The following DIRAS2 variants were observed in gnomAD, a reference collection of about 807,000 sequenced individuals.
The protein encoded by DIRAS2 is DIRAS family GTPase 2, also known as GTP-binding protein Di-Ras2.
DIRAS2 carries 5 observed loss-of-function variants against 13.9 expected under a neutral mutation model. The observed-to-expected ratio is 0.36, with a 90% CI of 0.19 to 0.76. The LOEUF (loss-of-function observed/expected upper bound fraction) is 0.76, where lower values mean the gene tolerates loss of function less well. Among genes scored for constraint, DIRAS2 ranks in the 30% least tolerant of loss-of-function variants. DIRAS2 has a pLI of 0.53. For missense variants in DIRAS2, 191 were observed against 263.0 expected, an observed-to-expected ratio of 0.73 and a Z score of 1.89; for synonymous variants, 111 against 105.4, an observed-to-expected ratio of 1.05 and a Z score of -0.33.
At chr9:90,631,134 GA>G (rs1020300756) in intron 1 of DIRAS2, among the ~76,000 whole-genome samples, 1 of 152,186 alleles carries the variant, frequency 6.6e-6, no homozygotes, top group African/African-American at 2.4e-5. Flanking sequence ...AGGACTCCCT[GA>G]AAAGTTGATA....
intron 1 of DIRAS2, among the ~76,000 whole-genome samples, chr9:90,616,980 C>G (rs1227068161): frequency 6.6e-6 from 1 of 152,098 alleles, no homozygotes; most frequent in African/African-American, 2.4e-5. Flanking sequence ...TCTAGCTCTG[C>G]CTGGAGCCCT....
chr9:90,641,730 A>G (rs758547109), intron 1 of DIRAS2, among the ~76,000 whole-genome samples: 3 of 152,190 alleles, frequency 2.0e-5, no homozygotes, highest in Non-Finnish European at 4.4e-5. Context: ...TGAAATGTAA[A>G]ATGCTCCAGA....
chr9:90,617,401 A>T (rs1825179842), intron 1 of DIRAS2, among the ~76,000 whole-genome samples: 1 of 152,210 alleles, frequency 6.6e-6, no homozygotes, highest in African/African-American at 2.4e-5. Context: ...AATAAACAAA[A>T]ATTCTCCAGG....
chr9:90,638,757 A>T (rs1420582399), intron 1 of DIRAS2, among the ~76,000 whole-genome samples: 1 of 152,010 alleles, frequency 6.6e-6, no homozygotes, highest in Non-Finnish European at 1.5e-5. Context: ...TTTTTTATGC[A>T]AATAGAGAGC....
intron 1 of DIRAS2, among the ~76,000 whole-genome samples, chr9:90,615,849 A>G (rs1386928440): frequency 6.6e-6 from 1 of 152,246 alleles, no homozygotes; most frequent in East Asian, 1.9e-4. Flanking sequence ...TACCATGAAC[A>G]TACACATTTG....
At position 90,612,945 on chromosome 9, in the gene DIRAS2, G is replaced by A; in HGVS notation, c.*283C>T. 1 of 427,596 alleles carries A rather than the reference G, an allele frequency of 2.3e-6. No individual in the cohort carries two copies. The highest frequency in any genetic ancestry group is 2.5e-5 in the South Asian group (1 of 40,224). The allele number at this position is 427,596 out of a possible 1,614,324, so 26.5% of individuals were successfully genotyped here. A position where few individuals can be genotyped will look rare whatever the true frequency, so the allele number is the denominator to read the frequency against. On this transcript the variant is annotated 3_prime_UTR_variant, in exon 2 of 2. Coordinates refer to ENST00000375765, the MANE Select transcript of DIRAS2 (RefSeq NM_017594.5). ...GGTACCAGTCCTCCCTCCCACCTTC[G>A]GGTGTTCATCGCCACCTTCAGCAAT...
chr9:90,641,225 T>C (rs1825416122), intron 1 of DIRAS2, among the ~76,000 whole-genome samples: 2 of 152,252 alleles, frequency 1.3e-5, no homozygotes, highest in South Asian at 4.1e-4. Context: ...CTGTATGTTT[T>C]CTGAGTCGCC....
chr9:90,628,573 T>C (rs1825293663), intron 1 of DIRAS2, among the ~76,000 whole-genome samples: 2 of 151,920 alleles, frequency 1.3e-5, no homozygotes, highest in Admixed American at 1.3e-4. Context: ...TGAGACAAGG[T>C]CTCACTCTGT....
intron 1 of DIRAS2, among the ~76,000 whole-genome samples, chr9:90,628,666 A>C (rs1316907157): frequency 6.6e-6 from 1 of 151,470 alleles, no homozygotes; most frequent in Admixed American, 6.6e-5. Flanking sequence ...CCACCTTAGC[A>C]TCCACAGTAG....
At chr9:90,626,643 A>G (rs993533661) in intron 1 of DIRAS2, among the ~76,000 whole-genome samples, 4 of 152,204 alleles carry the variant, frequency 2.6e-5, no homozygotes, top group African/African-American at 9.6e-5. Flanking sequence ...GTGTTAGCAA[A>G]GATAGAGAGA....
intron 1 of DIRAS2, among the ~76,000 whole-genome samples, chr9:90,625,721 T>C (rs944578295): frequency 4.6e-5 from 7 of 152,222 alleles, no homozygotes; most frequent in Non-Finnish European, 1.0e-4. Flanking sequence ...TTACTGTAAC[T>C]TTGTAGTAGA....
At chr9:90,636,095 T>A (rs573013399) in intron 1 of DIRAS2, among the ~76,000 whole-genome samples, 21 of 133,018 alleles carry the variant, frequency 1.6e-4, no homozygotes, top group African/African-American at 6.0e-4. Flanking sequence ...TGGAGTGCAG[T>A]GGTGCGATCT....
chr9:90,620,783 A>G (rs1385108545), intron 1 of DIRAS2, among the ~76,000 whole-genome samples: 1 of 152,090 alleles, frequency 6.6e-6, no homozygotes, highest in African/African-American at 2.4e-5. Flanking sequence ...AAAACAATAC[A>G]AAAAATGATA....
At chr9:90,618,228 A>C (rs1423615409) in intron 1 of DIRAS2, among the ~76,000 whole-genome samples, 1 of 152,254 alleles carries the variant, frequency 6.6e-6, no homozygotes. Flanking sequence ...ACACAGATAC[A>C]TGAACAGAAT....
At chr9:90,637,081 G>T (rs1439726763) in intron 1 of DIRAS2, among the ~76,000 whole-genome samples, 1 of 152,166 alleles carries the variant, frequency 6.6e-6, no homozygotes, top group Non-Finnish European at 1.5e-5. Flanking sequence ...CATAGTGAGA[G>T]AATATCATAA....
intron 1 of DIRAS2, among the ~76,000 whole-genome samples, chr9:90,640,647 A>G (rs542576524): frequency 2.0e-5 from 3 of 152,354 alleles, no homozygotes; most frequent in African/African-American, 7.2e-5. Flanking sequence ...TATACCAGGT[A>G]GATAGACTGA....
chr9:90,625,689 T>G (rs1298075906), intron 1 of DIRAS2, among the ~76,000 whole-genome samples: 2 of 152,236 alleles, frequency 1.3e-5, no homozygotes, highest in Non-Finnish European at 2.9e-5. Context: ...TCTGTGCATA[T>G]GCCAGCACCA....
rs557152325 is a variant in DIRAS2 at position 90,642,736 on chromosome 9, G to A, written c.-37+16C>T. On this transcript the variant is annotated intron_variant, in intron 1 of 1. Coordinates refer to ENST00000375765, the MANE Select transcript of DIRAS2 (RefSeq NM_017594.5). ...CGGACGCAGCGAAGCCACGGCAGAAGGGGGAAATCGGTTACCTGGGGAAGA... is the reference window on the plus strand; with the variant it reads ...CGGACGCAGCGAAGCCACGGCAGAAAGGGGAAATCGGTTACCTGGGGAAGA... 1.3e-5 allele frequency: 2 copies of A among 152,720 alleles called. No homozygotes were observed. Among genetic ancestry groups the A allele is most frequent in the African/African-American group, 4.8e-5 (2 of 41,462 alleles). 9.5% of individuals were successfully genotyped at this position (152,720 alleles called of 1,614,324 possible). A position where few individuals can be genotyped will look rare whatever the true frequency, so the allele number is the denominator to read the frequency against.
chr9:90,618,234 A>G (rs908751026), intron 1 of DIRAS2, among the ~76,000 whole-genome samples: 1 of 152,268 alleles, frequency 6.6e-6, no homozygotes, highest in East Asian at 1.9e-4. Flanking sequence ...ATACATGAAC[A>G]GAATAGAATT....
Sources: allele counts gnomAD v4.1 joint callset (sites outside exome capture counted in the v4.1 genomes callset), GRCh38; gene constraint gnomAD v4.1.1; transcripts MANE v1.5; gene names NCBI Gene and HGNC (gene_info 2026-07-23, HGNC 2026-07-21).